Variants in CEP112 observed in about 807,000 individuals in gnomAD.
The protein encoded by CEP112 is centrosomal protein 112.
CEP112 carries 127 observed loss-of-function variants against 153.0 expected under a neutral mutation model. The observed-to-expected ratio is 0.83, with a 90% CI of 0.72 to 0.96. The LOEUF (loss-of-function observed/expected upper bound fraction) is 0.96. Ranked by LOEUF, CEP112 falls within the 40% of genes least tolerant of loss-of-function variation. CEP112 has a pLI of 0.00. For synonymous variants in CEP112, 358 were observed against 374.4 expected, an observed-to-expected ratio of 0.96 and a Z score of 0.51; for missense variants, 1,089 against 1,101.2, an observed-to-expected ratio of 0.99 and a Z score of 0.16.
At chr17:65,745,892 C>G (rs1567953002) in intron 22 of CEP112, among the ~76,000 whole-genome samples, 1 of 152,136 alleles carries the variant, frequency 6.6e-6, no homozygotes, top group Non-Finnish European at 1.5e-5. Context: ...GGACATTTCT[C>G]ATTTTCAGAA....
intron 10 of CEP112, among the ~76,000 whole-genome samples, chr17:66,065,629 CTT>C (rs34757999): frequency 6.4e-4 from 90 of 140,236 alleles, no homozygotes; most frequent in South Asian, 3.7e-3. Context: ...ATTTTAAAAT[CTT>C]TTTTTTTTTT....
At chr17:65,941,614 G>C (rs1599091615) in intron 18 of CEP112, 2 of 152,054 alleles carry the variant, frequency 1.3e-5, no homozygotes, top group South Asian at 4.1e-4. Flanking sequence ...TCAACTTCAA[G>C]TAAAAAGAAA....
At chr17:66,141,237 TTC>T (rs918154386) in intron 4 of CEP112, among the ~76,000 whole-genome samples, 34 of 152,066 alleles carry the variant, frequency 2.2e-4, no homozygotes, top group African/African-American at 7.5e-4. Context: ...ATCTGCTGTT[TTC>T]TGTTTCCATT....
chr17:65,871,263 C>G (rs2058661925), intron 20 of CEP112, among the ~76,000 whole-genome samples: 1 of 152,154 alleles, frequency 6.6e-6, no homozygotes, highest in Non-Finnish European at 1.5e-5. Context: ...ATGATGACTT[C>G]TTATCATGAC....
intron 4 of CEP112, among the ~76,000 whole-genome samples, chr17:66,162,009 G>A (rs771234151): frequency 2.6e-5 from 4 of 151,948 alleles, no homozygotes; most frequent in Non-Finnish European, 4.4e-5. Context: ...ACGGCAGCAC[G>A]AAATGGACCA....
At chr17:65,852,228 CTCTCCCTTCCTTCCTTCCTTCCG>C (rs777126569) in intron 20 of CEP112, among the ~76,000 whole-genome samples, 194 bp from the exon 21 acceptor site, 72,841 of 105,056 alleles carry the variant, frequency 0.69, 25,913 homozygotes, top group Middle Eastern at 0.82. Flanking sequence ...CCCTCTTTCC[CTCTCCCTTCCTTCCTTCCTTCCG>C]TTCCCTTTCC....
At chr17:66,131,516 C>T (rs796572566) in intron 5 of CEP112, among the ~76,000 whole-genome samples, 44 of 150,944 alleles carry the variant, frequency 2.9e-4, no homozygotes, top group African/African-American at 8.7e-4. Context: ...CTGAGGCGGG[C>T]GGATCACGAG....
chr17:65,984,804 T>C (rs2063343488), intron 17 of CEP112, among the ~76,000 whole-genome samples: 1 of 152,212 alleles, frequency 6.6e-6, no homozygotes, highest in South Asian at 2.1e-4. Context: ...TGATAGTTAC[T>C]GAAGCTATAC....
rs753598244 is a variant in CEP112 at position 65,743,108 on chromosome 17, T to C, written c.2567A>G (p.Glu856Gly). Residue 856 changes from glutamate to glycine, a missense_variant, in exon 23 of 27, where the codon GAG (glutamate) becomes GGG (glycine). Coordinates refer to ENST00000535342, the MANE Select transcript of CEP112 (RefSeq NM_001199165.4). Reference sequence around the variant, plus strand: ...ATTATCTCTAATCAGCTGCTTCTTCTCATCTTCAAACTTTTGTCTAACATC... The same window carrying C: ...ATTATCTCTAATCAGCTGCTTCTTCCCATCTTCAAACTTTTGTCTAACATC... Reference protein sequence around the residue: ...LQDVRQKFEDEKKQLIRDNDQ... With the variant: ...LQDVRQKFEDGKKQLIRDNDQ... 1.2e-6 allele frequency: 2 copies of C among 1,612,274 alleles called. No individual in the cohort carries two copies. The highest frequency in any genetic ancestry group is 2.2e-5 in the South Asian group (2 of 90,588).
chr17:65,845,245 G>A (rs540025056), intron 21 of CEP112, among the ~76,000 whole-genome samples: 1 of 152,298 alleles, frequency 6.6e-6, no homozygotes, highest in Admixed American at 6.5e-5. Flanking sequence ...CTTGAATCTG[G>A]GAGGTGGAGG....
Position 65,971,465 on chromosome 17 carries a change from C to T in CEP112, c.1737-9867G>A, listed in dbSNP as rs1161017107. Among the ~76,000 whole-genome samples, 3 of 100,614 alleles carry T rather than the reference C, an allele frequency of 3.0e-5. No individual in the cohort carries two copies. The Admixed American group carries it at 3.8e-4, about 13-fold the overall frequency. The allele number at this position is 100,614 out of a possible 152,430, so 66.0% of individuals were successfully genotyped here. On this transcript the variant is annotated intron_variant, in intron 17 of 26. Transcript: ENST00000535342. ...ATGCCGCATGCATGCATATCACACA[C>T]ATGTATCATGCATGTATGACATGAA... is the stretch of plus-strand genomic sequence containing the variant.
At chr17:65,863,763 A>G (rs1420514281) in intron 20 of CEP112, among the ~76,000 whole-genome samples, 1 of 150,138 alleles carries the variant, frequency 6.7e-6, no homozygotes, top group Non-Finnish European at 1.5e-5. Flanking sequence ...AAAAAAAAGA[A>G]AAAAAAAAGA....
At chr17:66,021,181 G>A (rs2064986940) in intron 16 of CEP112, among the ~76,000 whole-genome samples, 1 of 152,100 alleles carries the variant, frequency 6.6e-6, no homozygotes, top group Non-Finnish European at 1.5e-5. Context: ...CCCAGACCTG[G>A]GACCCAACAG....
intron 23 of CEP112, among the ~76,000 whole-genome samples, chr17:65,713,953 T>C (rs564324519): frequency 6.6e-6 from 1 of 152,292 alleles, no homozygotes; most frequent in Admixed American, 6.5e-5. Context: ...AAGCCACCTC[T>C]TCTCTCTCGG....
At chr17:65,661,491 C>T (rs368819618) in intron 24 of CEP112, among the ~76,000 whole-genome samples, 213 of 152,230 alleles carry the variant, frequency 1.4e-3, no homozygotes, top group African/African-American at 4.9e-3. Flanking sequence ...GTACCTGAGT[C>T]AGGACCTGTA....
intron 18 of CEP112, among the ~76,000 whole-genome samples, chr17:65,948,843 C>T (rs1452805074): frequency 6.6e-6 from 1 of 152,086 alleles, no homozygotes; most frequent in African/African-American, 2.4e-5. Context: ...AATTCTCTTT[C>T]TAAAACAAAC....
chr17:66,060,894 G>GAAA (rs34601457), intron 11 of CEP112, among the ~76,000 whole-genome samples: 1 of 141,268 alleles, frequency 7.1e-6, no homozygotes, highest in Non-Finnish European at 1.5e-5. Flanking sequence ...CAAAAGCAAG[G>GAAA]AAAAAAAAAA....
At chr17:66,001,523 G>A (rs1263238988) in intron 17 of CEP112, among the ~76,000 whole-genome samples, 1 of 152,112 alleles carries the variant, frequency 6.6e-6, no homozygotes, top group Non-Finnish European at 1.5e-5. Flanking sequence ...AATGCAAAAA[G>A]AGTTTAAAAT....
At chr17:66,163,734 C>A (rs1290540865) in intron 4 of CEP112, among the ~76,000 whole-genome samples, 5 of 152,030 alleles carry the variant, frequency 3.3e-5, no homozygotes, top group South Asian at 2.1e-4. Context: ...ACATTTAAAT[C>A]ATTGTTTATT....
Sources: gnomAD v4.1 joint callset for allele counts (sites outside exome capture counted in the v4.1 genomes callset) on GRCh38, gnomAD v4.1.1 for gene constraint, MANE v1.5 for transcripts, NCBI Gene and HGNC (gene_info 2026-07-23, HGNC 2026-07-21) for gene names.